The following STON2 variants were observed in gnomAD, a reference collection of about 807,000 sequenced individuals.
The protein encoded by STON2 is stonin-2.
STON2 carries 29 observed loss-of-function variants against 65.7 expected under a neutral mutation model. The ratio of observed to expected loss-of-function variants is 0.44; its 90% confidence interval spans 0.33 to 0.60. The LOEUF is 0.60. Among genes scored for constraint, STON2 ranks in the 20% least tolerant of loss-of-function variants. The pLI is 0.03. For synonymous variants in STON2, 404 were observed against 414.2 expected (o/e 0.98, Z 0.30); for missense variants, 1,054 against 1,118.1 (o/e 0.94, Z 0.82).
chr14:81,277,170 G>A lies in STON2; in HGVS notation c.2312C>T (p.Ser771Phe). The change falls in exon 6 of 8, where the codon TCC (serine) becomes TTC (phenylalanine). Residue 771 changes from serine to phenylalanine, a missense_variant. Physicochemically the swap from Ser to Phe is radical, Grantham distance 155. Coordinates refer to ENST00000614646, the MANE Select transcript of STON2 (RefSeq NM_001394390.1). ...QSWLRMSTGF[S>F]ANRDPLTQVP... ...CTGAGTGAGGGGGTCACGATTGGCG[G>A]AGAAGCCAGTTGACATCCTCAGCCA... 1 of 1,614,232 alleles carries A rather than the reference G, an allele frequency of 6.2e-7. No homozygotes were observed. The highest frequency in any genetic ancestry group is 8.5e-7 in the Non-Finnish European group (1 of 1,180,048).
intron 3 of STON2, among the ~76,000 whole-genome samples, chr14:81,392,132 A>T (rs1414289328): frequency 1.3e-5 from 2 of 152,170 alleles, no homozygotes; most frequent in African/African-American, 4.8e-5. Flanking sequence ...TATCAACTCA[A>T]AATCAAAGCA....
intron 1 of STON2, among the ~76,000 whole-genome samples, chr14:81,429,886 G>C (rs966687323): frequency 2.6e-5 from 4 of 151,374 alleles, no homozygotes; most frequent in African/African-American, 9.7e-5. Flanking sequence ...AGTGAGCTGA[G>C]ATCGCGCCAC....
intron 5 of STON2, among the ~76,000 whole-genome samples, chr14:81,316,742 C>T (rs1896634737): frequency 6.6e-6 from 1 of 152,120 alleles, no homozygotes; most frequent in South Asian, 2.1e-4. Context: ...GAGGTTTGGC[C>T]GGGCGTGGTG....
At chr14:81,340,298 G>A (rs2140290474) in intron 4 of STON2, among the ~76,000 whole-genome samples, 1 of 152,284 alleles carries the variant, frequency 6.6e-6, no homozygotes, top group East Asian at 1.9e-4. Context: ...GGGGTGGGGT[G>A]GGGGACAGAG....
At chr14:81,423,275 C>CA (rs1355056761) in intron 2 of STON2, among the ~76,000 whole-genome samples, 1 of 152,024 alleles carries the variant, frequency 6.6e-6, no homozygotes, top group African/African-American at 2.4e-5. Flanking sequence ...AGCCTTTAAA[C>CA]AAAAAATTAT....
chr14:81,429,987 C>T (rs1376415066), intron 1 of STON2, among the ~76,000 whole-genome samples: 1 of 152,042 alleles, frequency 6.6e-6, no homozygotes, highest in African/African-American at 2.4e-5. Flanking sequence ...TTCTCTCCCA[C>T]TTGACCCCTT....
intron 3 of STON2, among the ~76,000 whole-genome samples, chr14:81,394,582 A>T (rs565517809): frequency 1.3e-3 from 192 of 152,292 alleles, no homozygotes; most frequent in Non-Finnish European, 2.6e-3. Context: ...AGCCCAGTGT[A>T]ACCACAGAGG....
chr14:81,272,706 T>C (rs1449918916), intron 6 of STON2, among the ~76,000 whole-genome samples: 2 of 152,200 alleles, frequency 1.3e-5, no homozygotes, highest in Non-Finnish European at 2.9e-5. Flanking sequence ...ATTAAAGTAA[T>C]TGAAAATGAA....
intron 4 of STON2, among the ~76,000 whole-genome samples, chr14:81,339,474 G>A (rs779584224): frequency 2.6e-5 from 4 of 152,088 alleles, no homozygotes; most frequent in Non-Finnish European, 5.9e-5. Flanking sequence ...AACCATCACT[G>A]TGGGAAAGAA....
chr14:81,390,211 A>C (rs1419364678), intron 3 of STON2, among the ~76,000 whole-genome samples: 2 of 152,042 alleles, frequency 1.3e-5, no homozygotes, highest in Non-Finnish European at 2.9e-5. Flanking sequence ...AAAAAAAAGA[A>C]AAACTTAAAA....
intron 5 of STON2, among the ~76,000 whole-genome samples, chr14:81,313,662 A>G (rs887915653): frequency 2.0e-5 from 3 of 151,892 alleles, no homozygotes; most frequent in African/African-American, 7.2e-5. Context: ...AGGTATGGTG[A>G]CGGGTGCCTA....
chr14:81,311,363 G>A (rs539754742), intron 5 of STON2, among the ~76,000 whole-genome samples: 8 of 152,248 alleles, frequency 5.3e-5, no homozygotes, highest in African/African-American at 1.9e-4. Context: ...CAGAACCCCT[G>A]ATGTTGAGAA....
At chr14:81,287,452 CT>C (rs765866202) in intron 5 of STON2, among the ~76,000 whole-genome samples, 9 of 152,136 alleles carry the variant, frequency 5.9e-5, no homozygotes, top group Non-Finnish European at 1.0e-4. Context: ...TTAACAGAAT[CT>C]TTATCAAGAC....
intron 2 of STON2, among the ~76,000 whole-genome samples, chr14:81,422,960 T>C (rs1350730322): frequency 2.6e-5 from 4 of 151,372 alleles, no homozygotes; most frequent in African/African-American, 9.7e-5. Context: ...GCTTGAACCC[T>C]GGAGGCGGAG....
At chr14:81,395,849 C>T in intron 3 of STON2, 45 bp downstream of exon 3, 1 of 1,600,580 alleles carries the variant, frequency 6.2e-7, no homozygotes, top group East Asian at 2.2e-5. Flanking sequence ...TGAAAAGCAT[C>T]CCTGCTGACC....
At chr14:81,387,196 A>G (rs1168375457) in intron 3 of STON2, among the ~76,000 whole-genome samples, 1 of 151,284 alleles carries the variant, frequency 6.6e-6, no homozygotes, top group Non-Finnish European at 1.5e-5. Context: ...GGTTCTGCTC[A>G]TGGTTTTGTA....
At chr14:81,356,512 G>A (rs1175062863) in intron 4 of STON2, among the ~76,000 whole-genome samples, 1 of 151,988 alleles carries the variant, frequency 6.6e-6, no homozygotes, top group Admixed American at 6.6e-5. Flanking sequence ...TCAGGAGGAT[G>A]CTGGCCTCAT....
chr14:81,293,362 T>C (rs1032324320), intron 5 of STON2, among the ~76,000 whole-genome samples: 22 of 151,930 alleles, frequency 1.4e-4, no homozygotes, highest in African/African-American at 5.1e-4. Context: ...TCAGTAGAGA[T>C]GGGGTTTCAC....
chr14:81,368,640 G>C (rs1313296494), intron 4 of STON2, among the ~76,000 whole-genome samples: 1 of 152,080 alleles, frequency 6.6e-6, no homozygotes, highest in Non-Finnish European at 1.5e-5. Flanking sequence ...CTTGAGCCTG[G>C]GAGACAGAGG....
Sources: allele counts gnomAD v4.1 joint callset (sites outside exome capture counted in the v4.1 genomes callset), GRCh38; gene constraint gnomAD v4.1.1; transcripts MANE v1.5; gene names NCBI Gene and HGNC (gene_info 2026-07-23, HGNC 2026-07-21).